SLC25A20: variants seen among roughly 807,000 people sequenced by gnomAD.
The protein encoded by SLC25A20 is solute carrier family 25 member 20, also known as mitochondrial carnitine/acylcarnitine carrier protein.
In SLC25A20, 29 loss-of-function variants were observed where a neutral mutation model predicts 39.7. That is an observed-to-expected ratio of 0.73 (90% CI 0.54 to 1.00). The LOEUF (loss-of-function observed/expected upper bound fraction) is 1.00. Among genes scored for constraint, SLC25A20 ranks in the 50% least tolerant of loss-of-function variants. The pLI is 0.00. For synonymous variants in SLC25A20, 103 were observed against 142.2 expected (o/e 0.72, Z 1.96); for missense variants, 333 against 379.9 (o/e 0.88, Z 1.03).
intron 5 of SLC25A20, among the ~76,000 whole-genome samples, chr3:48,861,750 G>T (rs2083629700): frequency 6.6e-6 from 1 of 151,536 alleles, no homozygotes; most frequent in African/African-American, 2.4e-5. Context: ...AATAAGGCCG[G>T]GTGCGGTGGC....
Position 48,857,787 on chromosome 3 carries a change from G to A in SLC25A20, c.844-15C>T. ...AGGAAACAGGCCTAAGAAGGGATTG[G>A]GAGGAAGAAAAAAGCCAGCAGGAAT... is the stretch of plus-strand genomic sequence containing the variant. On this transcript the variant is annotated splice_polypyrimidine_tract_variant and intron_variant, in intron 8 of 8. Coordinates refer to ENST00000319017, the MANE Select transcript of SLC25A20 (RefSeq NM_000387.6). 6.2e-7 allele frequency: 1 copy of A among 1,612,800 alleles called. No individual in the cohort carries two copies.
At chr3:48,891,953 G>A (rs780654831) in intron 2 of SLC25A20, 27 bp downstream of exon 2, 8 of 1,536,664 alleles carry the variant, frequency 5.2e-6, no homozygotes, top group Middle Eastern at 1.7e-4. Flanking sequence ...TTCTGAGTAA[G>A]AGGAATGCCC....
chr3:48,888,886 A>C (rs1429774199), intron 2 of SLC25A20, among the ~76,000 whole-genome samples: 7 of 151,924 alleles, frequency 4.6e-5, no homozygotes, highest in Non-Finnish European at 2.9e-5. Flanking sequence ...GGAGATCGAG[A>C]CCATCCTGGT....
chr3:48,858,219 T>C (rs1201588752), intron 8 of SLC25A20, among the ~76,000 whole-genome samples: 1 of 151,790 alleles, frequency 6.6e-6, no homozygotes, highest in Non-Finnish European at 1.5e-5. Context: ...CCACCTGCCT[T>C]AGCCTCCCAA....
chr3:48,863,929 C>T (rs2083645798), intron 4 of SLC25A20, among the ~76,000 whole-genome samples: 2 of 149,108 alleles, frequency 1.3e-5, no homozygotes, highest in South Asian at 2.1e-4. Context: ...GCAGGAGAAT[C>T]GCTTGAACCC....
intron 1 of SLC25A20, among the ~76,000 whole-genome samples, chr3:48,897,776 A>G (rs2083920927): frequency 6.6e-6 from 1 of 152,066 alleles, no homozygotes; most frequent in African/African-American, 2.4e-5. Flanking sequence ...TGGGCTTCCA[A>G]TCTTTTAAAA....
At chr3:48,870,882 A>G (rs1009154617) in intron 4 of SLC25A20, among the ~76,000 whole-genome samples, 1 of 146,778 alleles carries the variant, frequency 6.8e-6, no homozygotes, top group African/African-American at 2.5e-5. Flanking sequence ...GCAGTAGTGC[A>G]GTGGCGTGAT....
At chr3:48,862,358 G>A (rs529397708) in intron 5 of SLC25A20, among the ~76,000 whole-genome samples, 184 bp downstream of exon 5, 1 of 152,290 alleles carries the variant, frequency 6.6e-6, no homozygotes, top group East Asian at 1.9e-4. Context: ...TGGGAAAGAT[G>A]GAAGGTCCCC....
At chr3:48,861,554 C>T (rs1234310956) in intron 5 of SLC25A20, among the ~76,000 whole-genome samples, 4 of 152,066 alleles carry the variant, frequency 2.6e-5, no homozygotes, top group African/African-American at 7.2e-5. Context: ...TAGTGAAACC[C>T]TATCTCTGCT....
intron 4 of SLC25A20, among the ~76,000 whole-genome samples, chr3:48,868,292 T>C (rs192895104): frequency 1.3e-5 from 2 of 151,928 alleles, no homozygotes; most frequent in East Asian, 3.9e-4. Context: ...GAATGTCTGA[T>C]GTAGGAGTAG....
At chr3:48,886,509 GT>G (rs1378174943) in intron 2 of SLC25A20, among the ~76,000 whole-genome samples, 1 of 151,452 alleles carries the variant, frequency 6.6e-6, no homozygotes, top group African/African-American at 2.4e-5. Flanking sequence ...GGCAACAAGA[GT>G]AAAACTCCGT....
chr3:48,859,954 G>A (rs911449250), intron 5 of SLC25A20, among the ~76,000 whole-genome samples: 14 of 152,074 alleles, frequency 9.2e-5, no homozygotes, highest in African/African-American at 3.1e-4. Context: ...ATCACCTGAG[G>A]CCAGGAATTC....
intron 4 of SLC25A20, among the ~76,000 whole-genome samples, chr3:48,871,121 C>T (rs148781206): frequency 3.3e-5 from 5 of 152,034 alleles, no homozygotes; most frequent in South Asian, 2.1e-4. Flanking sequence ...CCACCATGCC[C>T]GGCCAGAAAT....
chr3:48,883,491 C>T (rs914506269), intron 3 of SLC25A20, among the ~76,000 whole-genome samples: 1 of 148,884 alleles, frequency 6.7e-6, no homozygotes, highest in African/African-American at 2.5e-5. Flanking sequence ...GCGGAGGTTG[C>T]AGTGAGCCGA....
chr3:48,886,371 A>G (rs1450290959), intron 2 of SLC25A20, among the ~76,000 whole-genome samples: 7 of 151,844 alleles, frequency 4.6e-5, no homozygotes, highest in Non-Finnish European at 7.4e-5. Context: ...CTAAAAATAC[A>G]AAATTAGCCA....
At chr3:48,864,347 C>CAAA (rs55843120) in intron 4 of SLC25A20, among the ~76,000 whole-genome samples, 1 of 48,088 alleles carries the variant, frequency 2.1e-5, no homozygotes, top group African/African-American at 8.8e-5. Flanking sequence ...GACTCTGTCT[C>CAAA]AAAAAAAAAA....
In SLC25A20 at chr3:48,884,096, G is replaced by T. The variant is rs1456549303; in HGVS notation, c.227C>A (p.Ala76Asp). 1 of 1,613,770 alleles carries T rather than the reference G, an allele frequency of 6.2e-7. No homozygotes were observed. Among genetic ancestry groups the T allele is most frequent in the Non-Finnish European group, 8.5e-7 (1 of 1,179,774 alleles). Residue 76 changes from alanine (A) to aspartate (D), a missense_variant, in exon 3 of 9, where the codon GCT becomes GAT. Physicochemically the swap from Ala to Asp is moderately radical, Grantham distance 126. Transcript: ENST00000319017. ...GGGAGTGACCCCGATGATAGGGGCA[G>T]CCATTCCCCGATATAGCCCCGTGAT... ...EGITGLYRGM[A>D]APIIGVTPMF...
intron 4 of SLC25A20, among the ~76,000 whole-genome samples, chr3:48,866,189 T>C (rs980184137): frequency 6.6e-6 from 1 of 151,134 alleles, no homozygotes; most frequent in South Asian, 2.1e-4. Context: ...TTATTTGCAG[T>C]TGTGAGGCAA....
intron 8 of SLC25A20, among the ~76,000 whole-genome samples, chr3:48,858,125 G>A (rs1288889984): frequency 2.0e-5 from 3 of 151,854 alleles, no homozygotes; most frequent in Non-Finnish European, 2.9e-5. Flanking sequence ...CCGCCACCAC[G>A]CCCAGCTAAT....
Sources: gnomAD v4.1 joint callset for allele counts (sites outside exome capture counted in the v4.1 genomes callset) on GRCh38, gnomAD v4.1.1 for gene constraint, MANE v1.5 for transcripts, NCBI Gene and HGNC (gene_info 2026-07-23, HGNC 2026-07-21) for gene names.